The following UROC1 variants were observed in gnomAD, a reference collection of about 807,000 sequenced individuals.
The protein encoded by UROC1 is urocanate hydratase.
UROC1 carries 79 observed loss-of-function variants against 89.5 expected under a neutral mutation model. That is an observed-to-expected ratio of 0.88 (90% confidence interval 0.74 to 1.06). The LOEUF (loss-of-function observed/expected upper bound fraction) is 1.06. Ranked by LOEUF, UROC1 falls within the 50% of genes least tolerant of loss-of-function variation. The pLI, the probability that UROC1 is intolerant of heterozygous loss-of-function variation, is 0.00. For synonymous variants in UROC1, 361 were observed against 354.8 expected, an observed-to-expected ratio of 1.02 and a Z score of -0.20; for missense variants, 885 against 907.8, an observed-to-expected ratio of 0.97 and a Z score of 0.32.
rs775433327 is a variant in UROC1 at position 126,496,032 on chromosome 3, C to T, written c.1509+6G>A. ...ACCCCAGCCTCCCCCAGGCCTGGGC[C>T]CTCACCAGCCGGTGCCTGGCGGCCT... On this transcript the variant is annotated splice_donor_region_variant and intron_variant, in intron 15 of 19. Coordinates refer to ENST00000290868, the MANE Select transcript of UROC1 (RefSeq NM_144639.3). 6.8e-6 allele frequency: 11 copies of T among 1,612,656 alleles called. No individual in the cohort carries two copies. In the South Asian group the frequency reaches 1.1e-4, roughly 16 times the overall value.
At chr3:126,512,070 G>A (rs1383696262) in intron 1 of UROC1, among the ~76,000 whole-genome samples, 1 of 152,202 alleles carries the variant, frequency 6.6e-6, no homozygotes, top group Non-Finnish European at 1.5e-5. Context: ...TTTAAGTGGG[G>A]AAGAAAGGCT....
intron 3 of UROC1, among the ~76,000 whole-genome samples, chr3:126,509,238 TAAA>T (rs531755748): frequency 8.2e-6 from 1 of 122,562 alleles, no homozygotes. Flanking sequence ...CCTGTCTCTC[TAAA>T]AAAAAAAAAA....
intron 1 of UROC1, among the ~76,000 whole-genome samples, chr3:126,515,387 G>A (rs1488855834): frequency 5.2e-5 from 4 of 76,766 alleles, no homozygotes; most frequent in South Asian, 4.4e-4. Context: ...ACCCGCCCCC[G>A]TCCAGGACCC....
In UROC1 at chr3:126,508,394, G is replaced by C. The variant is rs750580974; in HGVS notation, c.411+22C>G. 2.5e-6 allele frequency: 4 copies of C among 1,612,346 alleles called. No homozygotes were observed. In the South Asian group the frequency reaches 4.4e-5, roughly 18 times the overall value. On this transcript the variant is annotated intron_variant, in intron 4 of 19. Transcript: ENST00000290868. ...TAGAGGAAAGGCCAGGGGTGGGGAC[G>C]AGGCCACACGGTGTGCAGTACCTGA...
At chr3:126,505,380 A>C (rs1936028755) in intron 8 of UROC1, among the ~76,000 whole-genome samples, 1 of 152,162 alleles carries the variant, frequency 6.6e-6, no homozygotes, top group Non-Finnish European at 1.5e-5. Context: ...TCCCATCTGT[A>C]TTCCAGGGAT....
At chr3:126,504,545 G>T (rs114089468) in intron 8 of UROC1, among the ~76,000 whole-genome samples, 3,554 of 152,308 alleles carry the variant, frequency 0.023, 46 homozygotes, top group African/African-American at 0.027. Context: ...TTTCTACAAG[G>T]GAAGCCCAAA....
intron 8 of UROC1, 97 bp downstream of exon 8, chr3:126,505,604 G>C: frequency 1.3e-6 from 2 of 1,547,250 alleles, no homozygotes; most frequent in South Asian, 2.3e-5. Flanking sequence ...GGATGAGAAG[G>C]GGGGTCTGTG....
chr3:126,506,206 C>T (rs576602238), intron 6 of UROC1, among the ~76,000 whole-genome samples, 195 bp from the exon 7 acceptor site: 97 of 152,222 alleles, frequency 6.4e-4, no homozygotes, highest in Non-Finnish European at 1.1e-3. Flanking sequence ...TCTCGCCTTC[C>T]AGACATTTTA....
Position 126,486,754 on chromosome 3 carries a change from T to C in UROC1, c.1790+1444A>G, listed in dbSNP as rs77262457. Among the ~76,000 whole-genome samples the C allele has an allele frequency of 6.1e-3, 925 of 152,292 alleles. 8 individuals are homozygous for C. The highest frequency in any genetic ancestry group is 0.021 in the African/African-American group (854 of 41,574). ...AGTTGCGGGGGGTGGGGCGTCCCCT[T>C]GGAGTAGCCACGGTGGGGATGGAAT... On this transcript the variant is annotated intron_variant, in intron 18 of 19. Transcript: ENST00000290868.
At chr3:126,507,581 T>C (rs1431123734) in intron 6 of UROC1, among the ~76,000 whole-genome samples, 161 bp downstream of exon 6, 1 of 152,256 alleles carries the variant, frequency 6.6e-6, no homozygotes, top group Non-Finnish European at 1.5e-5. Context: ...TTTGTAAGCA[T>C]ATACATAAAA....
chr3:126,498,819 A>G (rs896075718), intron 13 of UROC1, among the ~76,000 whole-genome samples: 5 of 151,916 alleles, frequency 3.3e-5, no homozygotes, highest in Non-Finnish European at 1.5e-5. Context: ...TCCAAAAGTC[A>G]TGTGGTCCCT....
chr3:126,494,234 G>A (rs945451564), intron 15 of UROC1, among the ~76,000 whole-genome samples: 6 of 152,172 alleles, frequency 3.9e-5, no homozygotes, highest in African/African-American at 9.7e-5. Flanking sequence ...GTATCAGGAG[G>A]CACACGATCT....
intron 3 of UROC1, among the ~76,000 whole-genome samples, chr3:126,509,009 A>C (rs1936132693): frequency 6.6e-6 from 1 of 152,174 alleles, no homozygotes; most frequent in Non-Finnish European, 1.5e-5. Context: ...CTGATTTCAA[A>C]GGCTCAGGAT....
rs183695771 is a variant in UROC1, at chr3:126,503,411, G to A, written c.902+584C>T. On this transcript the variant is annotated intron_variant, in intron 9 of 19. Coordinates refer to ENST00000290868, the MANE Select transcript of UROC1 (RefSeq NM_144639.3). The stretch of plus-strand genomic sequence containing the variant: ...TGCTTCAAAAGTGGCATCCGAGCAG[G>A]AGCCCCCAAGGCAGTCTTCCCACCA... 4.4e-4 allele frequency among the ~76,000 whole-genome samples: 67 copies of A among 152,342 alleles called. 1 individual carries two copies. In the South Asian group the frequency reaches 8.7e-3, roughly 20 times the overall value.
At chr3:126,497,145 TA>T (rs1331025115) in intron 14 of UROC1, among the ~76,000 whole-genome samples, 1 of 152,124 alleles carries the variant, frequency 6.6e-6, no homozygotes, top group Non-Finnish European at 1.5e-5. Flanking sequence ...CTGGCTCTCC[TA>T]CTCTGAGTCT....
chr3:126,505,617 G>GT, intron 8 of UROC1, 84 bp downstream of exon 8: 2 of 1,557,174 alleles, frequency 1.3e-6, no homozygotes, highest in African/African-American at 2.8e-5. Context: ...GGTCTGTGGT[G>GT]TAAGTGATCC....
At chr3:126,503,404 C>T (rs75329743) in intron 9 of UROC1, among the ~76,000 whole-genome samples, 2,184 of 152,334 alleles carry the variant, frequency 0.014, 30 homozygotes, top group Middle Eastern at 0.048. Context: ...AAGTGGCATC[C>T]GAGCAGGAGC....
At chr3:126,497,744 A>C (rs1425467358) in intron 14 of UROC1, among the ~76,000 whole-genome samples, 1 of 152,094 alleles carries the variant, frequency 6.6e-6, no homozygotes, top group Non-Finnish European at 1.5e-5. Context: ...GCTTTCTGTC[A>C]CTCGCAGCCA....
At chr3:126,492,280 C>A (rs1576714031) in intron 16 of UROC1, 138 bp downstream of exon 16, 1 of 814,516 alleles carries the variant, frequency 1.2e-6, no homozygotes, top group East Asian at 2.7e-5. Context: ...GAGCACTGGG[C>A]TGCTGAGGCC....
Sources: gnomAD v4.1 joint callset for allele counts (sites outside exome capture counted in the v4.1 genomes callset) on GRCh38, gnomAD v4.1.1 for gene constraint, MANE v1.5 for transcripts, NCBI Gene and HGNC (gene_info 2026-07-23, HGNC 2026-07-21) for gene names.